NAA38: variants seen among roughly 807,000 people sequenced by gnomAD.
NAA38 encodes the protein LSM domain containing 1.
Under a neutral mutation model 12.6 loss-of-function variants are expected in NAA38, and 15 were observed. The observed-to-expected ratio is 1.19, with a 90% CI of 0.79 to 1.83. NAA38 has a LOEUF of 1.83. Among genes scored for constraint, NAA38 ranks in the 40% most tolerant of loss-of-function variants. NAA38 has a pLI of 0.00. For missense variants in NAA38, 183 were observed against 171.7 expected (o/e 1.07, Z -0.37); for synonymous variants, 88 against 69.9 (o/e 1.26, Z -1.29).
chr17:7,876,984 TCA>T (rs1967185655), intron 2 of NAA38: 1 of 257,392 alleles, frequency 3.9e-6, no homozygotes, highest in Admixed American at 5.4e-5. Context: ...AAGTGGAACC[TCA>T]CTAATGTTTT....
chr17:7,857,175 G>C lies in NAA38; in HGVS notation c.105C>G (p.Asp35Glu), dbSNP rs1307719585. The C allele has an allele frequency of 1.9e-6, 3 of 1,613,054 alleles. No individual in the cohort carries two copies. The highest frequency in any genetic ancestry group is 2.5e-6 in the Non-Finnish European group (3 of 1,180,038). The change falls in exon 2 of 3, where the codon GAC (aspartate) becomes GAG (glutamate). Residue 35 changes from aspartate (D) to glutamate (E), a missense_variant. Transcript: ENST00000575771. ...GCTGTCGGGCGCGCTCAGCCGCCGA[G>C]TCCTCGCGCTCTCCGTCCGAATCCT... ...SAGDSDGEREDSAAERARQQL... is the reference protein window; with the variant it reads ...SAGDSDGEREESAAERARQQL...
intron 2 of NAA38, among the ~76,000 whole-genome samples, chr17:7,869,629 G>A (rs1444021278): frequency 6.6e-6 from 1 of 151,992 alleles, no homozygotes; most frequent in African/African-American, 2.4e-5. Flanking sequence ...TGGGTGTGGT[G>A]GTGGATGCCT....
intron 2 of NAA38, among the ~76,000 whole-genome samples, chr17:7,879,789 A>G (rs779768540): frequency 1.3e-5 from 2 of 152,168 alleles, no homozygotes; most frequent in Non-Finnish European, 2.9e-5. Flanking sequence ...AAGCAGCTAG[A>G]CAGTGAGACA....
chr17:7,873,978 G>A (rs992198661), intron 2 of NAA38, among the ~76,000 whole-genome samples: 15 of 152,186 alleles, frequency 9.9e-5, no homozygotes, highest in African/African-American at 3.6e-4. Context: ...GGTCTGAATG[G>A]TCATGGTGTT....
chr17:7,861,698 A>G (rs921279818), upstream of NAA38: 1 of 152,126 alleles, frequency 6.6e-6, no homozygotes, highest in African/African-American at 2.4e-5. Flanking sequence ...TCTTTTCTCC[A>G]AGTTACCATC....
intron 3 of NAA38, chr17:7,864,879 A>G (rs1035565848): frequency 1.0e-4 from 15 of 150,584 alleles, no homozygotes; most frequent in African/African-American, 3.7e-4. Flanking sequence ...TGGGCAACAG[A>G]GTGAGACTCC....
At chr17:7,869,677 C>T (rs1042229359) in intron 2 of NAA38, among the ~76,000 whole-genome samples, 4 of 151,932 alleles carry the variant, frequency 2.6e-5, no homozygotes, top group African/African-American at 7.3e-5. Flanking sequence ...GCAGGAGAAT[C>T]GCTTCAACCC....
At chr17:7,857,278 G>A in intron 1 of NAA38, 80 bp from the exon 2 acceptor site, 1 of 1,610,230 alleles carries the variant, frequency 6.2e-7, no homozygotes, top group Admixed American at 1.7e-5. Flanking sequence ...GCAGCCCGCG[G>A]GGCACTCACA....
chr17:7,859,993 C>A, upstream of NAA38: 3 of 221,424 alleles, frequency 1.4e-5, no homozygotes, highest in East Asian at 1.2e-4. Flanking sequence ...ATGGGATTTA[C>A]AAAGAAATAG....
At chr17:7,880,146 G>A (rs923001535) in intron 2 of NAA38, among the ~76,000 whole-genome samples, 4 of 152,120 alleles carry the variant, frequency 2.6e-5, no homozygotes, top group Non-Finnish European at 5.9e-5. Flanking sequence ...ATTACTGCAG[G>A]CAGACAGGGA....
chr17:7,885,003 G>T, intron 1 of NAA38: 1 of 1,240,134 alleles, frequency 8.1e-7, no homozygotes. Context: ...GACCGCCACA[G>T]CCCCCCCGGC....
At chr17:7,885,144 G>C in intron 1 of NAA38, 2 of 982,354 alleles carry the variant, frequency 2.0e-6, no homozygotes, top group Non-Finnish European at 1.2e-6. Flanking sequence ...GCGCGAAGCC[G>C]GGCGGGGGCG....
chr17:7,885,367 G>A (rs1967724210), upstream of NAA38: 2 of 154,820 alleles, frequency 1.3e-5, no homozygotes, highest in South Asian at 1.7e-4. Context: ...AGAGCGCTGG[G>A]CGCGAGCTGC....
At chr17:7,866,416 G>T in intron 3 of NAA38, 3 of 1,183,138 alleles carry the variant, frequency 2.5e-6, no homozygotes, top group Non-Finnish European at 3.2e-6. Context: ...CCGCCACGGG[G>T]AACTTTTAAA....
At chr17:7,879,570 A>T (rs892609466) in intron 2 of NAA38, among the ~76,000 whole-genome samples, 5 of 151,560 alleles carry the variant, frequency 3.3e-5, no homozygotes, top group Non-Finnish European at 7.4e-5. Flanking sequence ...TCCCTTAAAA[A>T]TTTTTCTTCA....
chr17:7,857,518 G>C lies in NAA38; in HGVS notation c.-55C>G. 7 of 1,476,766 alleles carry C rather than the reference G, an allele frequency of 4.7e-6. No homozygotes were observed. Among genetic ancestry groups the C allele is most frequent in the Non-Finnish European group, 6.3e-6 (7 of 1,116,348 alleles). The allele number at this position is 1,476,766 out of a possible 1,614,324, so 91.5% of individuals were successfully genotyped here. On this transcript the variant is annotated 5_prime_UTR_variant, in exon 1 of 3. Transcript: ENST00000575771. ...ACTTCCTAAGCACCTTTCAGGTTGG[G>C]TGGTCCGAGATCTCGCGAGCGCTCC...
upstream of NAA38, chr17:7,858,790 T>C: frequency 6.4e-7 from 1 of 1,573,022 alleles, no homozygotes; most frequent in East Asian, 2.2e-5. Flanking sequence ...ATCCGCATCA[T>C]TAACACGCTC....
chr17:7,875,306 CA>C (rs201545825), intron 2 of NAA38, among the ~76,000 whole-genome samples: 3,313 of 152,092 alleles, frequency 0.022, 57 homozygotes, highest in Middle Eastern at 0.085. Flanking sequence ...TAAAGGTGAC[CA>C]AATGACAAGT....
At chr17:7,884,446 T>TTA (rs1476315958) in intron 1 of NAA38, among the ~76,000 whole-genome samples, 1 of 102,258 alleles carries the variant, frequency 9.8e-6, no homozygotes, top group African/African-American at 3.0e-5. Flanking sequence ...TCGAAAACTT[T>TTA]TATATATATA....
Sources: gnomAD v4.1 joint callset for allele counts (sites outside exome capture counted in the v4.1 genomes callset) on GRCh38, gnomAD v4.1.1 for gene constraint, MANE v1.5 for transcripts, NCBI Gene and HGNC (gene_info 2026-07-23, HGNC 2026-07-21) for gene names.